Variants in MLLT3 observed in about 807,000 individuals in gnomAD.
The protein encoded by MLLT3 is MLLT3 super elongation complex subunit, also known as protein AF-9.
In MLLT3, 4 loss-of-function variants were observed where a neutral mutation model predicts 53.2. The ratio of observed to expected loss-of-function variants is 0.08; its 90% CI spans 0.04 to 0.17. The LOEUF (loss-of-function observed/expected upper bound fraction) is 0.17. MLLT3 is among the 10% of genes least tolerant of loss of function. The pLI, the probability that MLLT3 is intolerant of heterozygous loss-of-function variation, is 1.00. For synonymous variants in MLLT3, 283 were observed against 230.6 expected, an observed-to-expected ratio of 1.23 and a Z score of -2.06; for missense variants, 569 against 684.0, an observed-to-expected ratio of 0.83 and a Z score of 1.87.
chr9:20,432,797 C>CA (rs1823308732), intron 4 of MLLT3, among the ~76,000 whole-genome samples: 1 of 152,058 alleles, frequency 6.6e-6, no homozygotes, highest in Non-Finnish European at 1.5e-5. Flanking sequence ...CCATCCTTCA[C>CA]AAAAAACTAT....
intron 2 of MLLT3, among the ~76,000 whole-genome samples, chr9:20,509,274 CT>C (rs924517488): frequency 6.6e-6 from 1 of 151,842 alleles, no homozygotes; most frequent in African/African-American, 2.4e-5. Context: ...TGGTGGATTC[CT>C]TTTTTTTAAG....
chr9:20,383,920 C>A (rs1455250968), intron 5 of MLLT3, among the ~76,000 whole-genome samples: 1 of 151,916 alleles, frequency 6.6e-6, no homozygotes, highest in African/African-American at 2.4e-5. Context: ...GATTGTTAAT[C>A]TAAGCACAAA....
chr9:20,416,090 T>G (rs1277171219), intron 4 of MLLT3, among the ~76,000 whole-genome samples: 1 of 151,972 alleles, frequency 6.6e-6, no homozygotes, highest in East Asian at 1.9e-4. Flanking sequence ...ATTACTAAAA[T>G]TTCATTATTT....
intron 2 of MLLT3, among the ~76,000 whole-genome samples, chr9:20,511,835 A>C (rs1445094144): frequency 6.6e-6 from 1 of 152,148 alleles, no homozygotes; most frequent in African/African-American, 2.4e-5. Context: ...AACACCTATA[A>C]GTGCTCATAC....
At chr9:20,578,191 T>C (rs561686334) in intron 2 of MLLT3, among the ~76,000 whole-genome samples, 2 of 152,330 alleles carry the variant, frequency 1.3e-5, no homozygotes, top group East Asian at 3.9e-4. Context: ...TCTGCTGACC[T>C]TGACTAAATA....
intron 2 of MLLT3, among the ~76,000 whole-genome samples, chr9:20,611,104 G>C (rs1176234689): frequency 6.6e-6 from 1 of 152,092 alleles, no homozygotes; most frequent in Non-Finnish European, 1.5e-5. Context: ...TGAAGTATTT[G>C]TGGTAAAGGG....
intron 5 of MLLT3, among the ~76,000 whole-genome samples, chr9:20,383,446 C>G (rs986343197): frequency 2.0e-5 from 3 of 151,830 alleles, no homozygotes; most frequent in African/African-American, 7.2e-5. Context: ...ATCTCAGTTC[C>G]ACCACTTTCT....
intron 2 of MLLT3, among the ~76,000 whole-genome samples, chr9:20,550,574 AC>A (rs748479178): frequency 1.3e-5 from 2 of 151,938 alleles, no homozygotes; most frequent in African/African-American, 2.4e-5. Context: ...ACAAGCACAC[AC>A]CACCACCACA....
intron 2 of MLLT3, among the ~76,000 whole-genome samples, chr9:20,528,529 C>T (rs762202551): frequency 5.3e-5 from 8 of 152,242 alleles, no homozygotes; most frequent in Admixed American, 1.3e-4. Flanking sequence ...ATCAAGGTTT[C>T]ATCAGAGCTG....
intron 2 of MLLT3, among the ~76,000 whole-genome samples, chr9:20,541,513 A>T (rs776381794): frequency 2.6e-5 from 4 of 152,226 alleles, no homozygotes; most frequent in Admixed American, 6.5e-5. Flanking sequence ...CACATCTCAC[A>T]TGGCAGCAGG....
chr9:20,555,222 C>A (rs1384840119), intron 2 of MLLT3, among the ~76,000 whole-genome samples: 1 of 152,144 alleles, frequency 6.6e-6, no homozygotes, highest in East Asian at 1.9e-4. Context: ...ACACTGGATT[C>A]TCTGGTTTAT....
At chr9:20,571,446 A>AT (rs889651392) in intron 2 of MLLT3, among the ~76,000 whole-genome samples, 27 of 152,306 alleles carry the variant, frequency 1.8e-4, no homozygotes, top group South Asian at 6.2e-4. Context: ...GATTTTATGT[A>AT]TTTTTTTACT....
chr9:20,552,555 T>C (rs1322329513), intron 2 of MLLT3, among the ~76,000 whole-genome samples: 1 of 152,016 alleles, frequency 6.6e-6, no homozygotes, highest in African/African-American at 2.4e-5. Flanking sequence ...AATAGACGGT[T>C]TGAGAGCAGA....
At chr9:20,563,623 C>A (rs1251670395) in intron 2 of MLLT3, among the ~76,000 whole-genome samples, 45 of 152,052 alleles carry the variant, frequency 3.0e-4, no homozygotes, top group Admixed American at 3.0e-3. Context: ...CTTTTAATTT[C>A]TCTTACAATC....
intron 2 of MLLT3, among the ~76,000 whole-genome samples, chr9:20,587,482 G>C (rs1195072248): frequency 6.6e-6 from 1 of 151,568 alleles, no homozygotes; most frequent in Non-Finnish European, 1.5e-5. Flanking sequence ...ACAAGAGAGG[G>C]GCCCCCTACT....
chr9:20,525,956 C>T (rs1011722219), intron 2 of MLLT3, among the ~76,000 whole-genome samples: 12 of 152,084 alleles, frequency 7.9e-5, no homozygotes, highest in Non-Finnish European at 1.3e-4. Context: ...ATAATTTTGG[C>T]TATCACTAAG....
intron 4 of MLLT3, among the ~76,000 whole-genome samples, chr9:20,432,587 G>C (rs1823298695): frequency 6.6e-6 from 1 of 152,068 alleles, no homozygotes; most frequent in Non-Finnish European, 1.5e-5. Context: ...GGCACATACA[G>C]GGTGGGGGGA....
chr9:20,363,308 G>A, intron 7 of MLLT3, 168 bp downstream of exon 7: 1 of 651,042 alleles, frequency 1.5e-6, no homozygotes, highest in Non-Finnish European at 2.4e-6. Context: ...AGGAGAAACA[G>A]TTCCCTGTAA....
At chr9:20,470,750 T>C (rs1421160635) in intron 2 of MLLT3, among the ~76,000 whole-genome samples, 2 of 151,798 alleles carry the variant, frequency 1.3e-5, no homozygotes, top group South Asian at 4.2e-4. Flanking sequence ...AGGGAGGGAG[T>C]AATAAACTGA....
Sources: gnomAD v4.1 joint callset for allele counts (sites outside exome capture counted in the v4.1 genomes callset) on GRCh38, gnomAD v4.1.1 for gene constraint, MANE v1.5 for transcripts, NCBI Gene and HGNC (gene_info 2026-07-23, HGNC 2026-07-21) for gene names.